Variants in PPARD observed in about 807,000 individuals in gnomAD.
PPARD encodes the protein peroxisome proliferator activated receptor delta, also known as peroxisome proliferator-activated receptor delta.
Under a neutral mutation model 39.5 loss-of-function variants are expected in PPARD, and 6 were observed. The ratio of observed to expected loss-of-function variants is 0.15; its 90% CI spans 0.08 to 0.30. The LOEUF (loss-of-function observed/expected upper bound fraction) is 0.30, where lower values mean the gene tolerates loss of function less well. Ranked by LOEUF, PPARD falls within the 10% of genes least tolerant of loss-of-function variation. The probability of loss-of-function intolerance (pLI) is 1.00; values close to 1 mark genes in which losing one functional copy is unlikely to be tolerated. For synonymous variants in PPARD, 210 were observed against 231.3 expected (o/e 0.91, Z 0.83); for missense variants, 397 against 596.8 (o/e 0.67, Z 3.49).
intron 2 of PPARD, among the ~76,000 whole-genome samples, chr6:35,373,372 T>C (rs915158743): frequency 6.6e-6 from 1 of 152,212 alleles, no homozygotes; most frequent in Non-Finnish European, 1.5e-5. Flanking sequence ...ATCGCTATTA[T>C]AGAGACCAGC....
intron 2 of PPARD, among the ~76,000 whole-genome samples, chr6:35,364,912 TG>T (rs113587049): frequency 0.021 from 3,166 of 151,722 alleles, 67 homozygotes; most frequent in African/African-American, 0.051. Context: ...GGTTTCACTG[TG>T]TTAGCCAGGA....
Position 35,426,140 on chromosome 6 carries a change from C to A in PPARD, c.*61C>A. On this transcript the variant is annotated 3_prime_UTR_variant, in exon 8 of 8. Coordinates refer to ENST00000360694, the MANE Select transcript of PPARD (RefSeq NM_006238.5). ...GGCCAGCACTGGAGGGGCCCACCCA[C>A]ATGACTTTTCCATTGACCAGCCCTT... 1 of 1,569,226 alleles carries A rather than the reference C, an allele frequency of 6.4e-7. No individual in the cohort carries two copies. Among genetic ancestry groups the A allele is most frequent in the Non-Finnish European group, 8.6e-7 (1 of 1,162,330 alleles).
intron 2 of PPARD, among the ~76,000 whole-genome samples, chr6:35,365,302 TTG>T (rs1403145088): frequency 2.7e-5 from 4 of 148,300 alleles, no homozygotes; most frequent in Non-Finnish European, 4.5e-5. Context: ...CAGCTAATTT[TTG>T]TGTGTGTGTG....
At chr6:35,400,825 A>G (rs80288834) in intron 2 of PPARD, among the ~76,000 whole-genome samples, 3,482 of 151,828 alleles carry the variant, frequency 0.023, 142 homozygotes, top group African/African-American at 0.078. Flanking sequence ...AGAAAAAGGT[A>G]TAAGTGGTGG....
intron 2 of PPARD, among the ~76,000 whole-genome samples, chr6:35,360,622 T>G (rs915021353): frequency 6.6e-6 from 1 of 152,262 alleles, no homozygotes; most frequent in Non-Finnish European, 1.5e-5. Context: ...CAAATAGTTA[T>G]GCAAGTGTTG....
chr6:35,388,875 A>G (rs1044207953), intron 2 of PPARD, among the ~76,000 whole-genome samples: 3 of 152,146 alleles, frequency 2.0e-5, no homozygotes, highest in African/African-American at 2.4e-5. Flanking sequence ...AGACATCTAA[A>G]TGCCTGCTGC....
At chr6:35,423,914 G>C in intron 5 of PPARD, 32 bp from the exon 6 acceptor site, 1 of 1,609,944 alleles carries the variant, frequency 6.2e-7, no homozygotes, top group East Asian at 2.2e-5. Flanking sequence ...GCCTGCCTGG[G>C]CTCCTTGCTG....
chr6:35,370,232 G>C (rs926749771), intron 2 of PPARD, among the ~76,000 whole-genome samples: 2 of 152,194 alleles, frequency 1.3e-5, no homozygotes, highest in Middle Eastern at 3.2e-3. Flanking sequence ...AGATGGTGGT[G>C]TGTGGGAGCT....
chr6:35,422,020 A>G (rs1313669638), intron 5 of PPARD, 62 bp downstream of exon 5: 8 of 1,526,292 alleles, frequency 5.2e-6, no homozygotes, highest in South Asian at 1.3e-5. Context: ...ACCAAGGTCC[A>G]GGGAGCCCTT....
chr6:35,396,973 T>G (rs1764365162), intron 2 of PPARD, among the ~76,000 whole-genome samples: 1 of 152,142 alleles, frequency 6.6e-6, no homozygotes, highest in African/African-American at 2.4e-5. Flanking sequence ...AGTGTACTTT[T>G]CAGATTATCT....
intron 3 of PPARD, among the ~76,000 whole-genome samples, chr6:35,414,736 ATTAC>A (rs1377389009): frequency 6.6e-6 from 1 of 152,088 alleles, no homozygotes; most frequent in African/African-American, 2.4e-5. Flanking sequence ...CCCATGAGTT[ATTAC>A]TTTGGCCTCG....
chr6:35,366,730 A>C lies in PPARD; in HGVS notation c.-102+19580A>C, dbSNP rs1762225554. 6.6e-6 allele frequency among the ~76,000 whole-genome samples: 1 copy of C among 151,968 alleles called. No homozygotes were observed. The highest frequency in any genetic ancestry group is 2.4e-5 in the African/African-American group (1 of 41,346). On this transcript the variant is annotated intron_variant, in intron 2 of 7. Transcript: ENST00000360694. This position sits in a 1 kb window ranked among gnomAD's most constrained non-coding sequence, Gnocchi z 4.6. ...ATGCCTGGCTAATTTTTCTATTTTT[A>C]GTAGAAATGGGGTTTCACGGTGTTG...
At chr6:35,368,359 T>G (rs545165999) in intron 2 of PPARD, among the ~76,000 whole-genome samples, 2 of 152,330 alleles carry the variant, frequency 1.3e-5, no homozygotes, top group East Asian at 3.9e-4. Flanking sequence ...CCTGCTGCAT[T>G]GTAGCCAGAT....
At chr6:35,375,505 T>C (rs1470217548) in intron 2 of PPARD, among the ~76,000 whole-genome samples, 1 of 151,474 alleles carries the variant, frequency 6.6e-6, no homozygotes, top group African/African-American at 2.4e-5. Context: ...CATGAGCCAC[T>C]GCTCCCGGCC....
Position 35,420,195 on chromosome 6 carries a change from T to G in PPARD, c.199T>G (p.Cys67Gly), listed in dbSNP as rs770470994. ...QLQMGCDGAS[C>G]GSLNMECRVC... ...GCAGATGGGCTGTGACGGGGCCTCA[T>G]GCGGCAGCCTCAACATGGAGTGCCG... is the stretch of plus-strand genomic sequence containing the variant. The change falls in exon 4 of 8, where the codon TGC (cysteine) becomes GGC (glycine). Residue 67 changes from cysteine to glycine, a missense_variant. By Grantham distance (159) the Cys-to-Gly change is radical. Coordinates refer to ENST00000360694, the MANE Select transcript of PPARD (RefSeq NM_006238.5). The G allele has an allele frequency of 1.9e-6, 3 of 1,613,010 alleles. No homozygotes were observed. The African/African-American group carries it at 4.0e-5, about 22-fold the overall frequency.
rs1486869964 is a variant in PPARD, at chr6:35,383,745, T to A, written c.-101-27242T>A. Among the ~76,000 whole-genome samples, 5 of 126,998 alleles carry A rather than the reference T, an allele frequency of 3.9e-5. No individual in the cohort carries two copies. The East Asian group carries it at 9.5e-4, about 24-fold the overall frequency. 83.3% of individuals were successfully genotyped at this position (126,998 alleles called of 152,430 possible). A position where few individuals can be genotyped will look rare whatever the true frequency, so the allele number is the denominator to read the frequency against. ...GACCCCGTCTGGGAGGTGAGGAGCA[T>A]CTCTGCCCCGCCGCCCCGTCTGAGA... On this transcript the variant is annotated intron_variant, in intron 2 of 7. Transcript: ENST00000360694.
At chr6:35,354,332 TCA>T in intron 2 of PPARD, among the ~76,000 whole-genome samples, 1 of 143,856 alleles carries the variant, frequency 7.0e-6, no homozygotes. Context: ...AGATGGCGTC[TCA>T]CTCTTGCCCA....
At chr6:35,411,423 C>T (rs184387886) in intron 3 of PPARD, among the ~76,000 whole-genome samples, 3 of 152,346 alleles carry the variant, frequency 2.0e-5, no homozygotes, top group Admixed American at 2.0e-4. Flanking sequence ...AGCTGCACCA[C>T]TTCCTTCTGT....
chr6:35,357,623 G>A (rs150495156), intron 2 of PPARD, among the ~76,000 whole-genome samples: 5,342 of 150,534 alleles, frequency 0.035, 192 homozygotes, highest in African/African-American at 0.094. Context: ...TGCAACCTCC[G>A]CCTCCCGGGT....
Sources: gnomAD v4.1 joint callset for allele counts (sites outside exome capture counted in the v4.1 genomes callset) on GRCh38, gnomAD v4.1.1 for gene constraint, Gnocchi (gnomAD v3.1) non-coding constraint, MANE v1.5 for transcripts, NCBI Gene and HGNC (gene_info 2026-07-23, HGNC 2026-07-21) for gene names.